The following DOK6 variants were observed in gnomAD, a reference collection of about 807,000 sequenced individuals.
DOK6 encodes downstream of tyrosine kinase 6.
Under a neutral mutation model 44.0 loss-of-function variants are expected in DOK6, and 22 were observed. The observed-to-expected ratio is 0.50, with a 90% CI of 0.36 to 0.71. The LOEUF (loss-of-function observed/expected upper bound fraction) is 0.71. DOK6 is among the 30% of genes least tolerant of loss of function. The probability of loss-of-function intolerance (pLI) is 0.00; values close to 1 mark genes in which losing one functional copy is unlikely to be tolerated. For missense variants in DOK6, 340 were observed against 416.4 expected, an observed-to-expected ratio of 0.82 and a Z score of 1.60; for synonymous variants, 166 against 145.5, an observed-to-expected ratio of 1.14 and a Z score of -1.01.
intron 7 of DOK6, among the ~76,000 whole-genome samples, chr18:69,771,950 A>G (rs1007645863): frequency 1.3e-5 from 2 of 151,676 alleles, no homozygotes; most frequent in African/African-American, 4.8e-5. Context: ...ATTTAAGGAT[A>G]TGAAAGATTG....
chr18:69,835,339 C>T (rs896580844), intron 7 of DOK6, among the ~76,000 whole-genome samples: 1 of 152,062 alleles, frequency 6.6e-6, no homozygotes, highest in African/African-American at 2.4e-5. Context: ...GTGGTGGGCG[C>T]CTGTAGTCCC....
At chr18:69,736,494 G>C (rs910150049) in intron 5 of DOK6, among the ~76,000 whole-genome samples, 1 of 152,152 alleles carries the variant, frequency 6.6e-6, no homozygotes, top group Non-Finnish European at 1.5e-5. Context: ...GACATTGTTA[G>C]ATATAAAGAG....
intron 5 of DOK6, among the ~76,000 whole-genome samples, chr18:69,722,865 G>A (rs1258749782): frequency 6.6e-6 from 1 of 152,020 alleles, no homozygotes; most frequent in East Asian, 1.9e-4. Context: ...TAGTAAGACT[G>A]GTTTAAAATG....
chr18:69,732,320 T>G (rs1978435928), intron 5 of DOK6, among the ~76,000 whole-genome samples: 1 of 152,128 alleles, frequency 6.6e-6, no homozygotes, highest in Admixed American at 6.5e-5. Context: ...CATCTGTCAA[T>G]CTTTTAAAAT....
chr18:69,645,854 ATG>A (rs1262615031), intron 3 of DOK6, among the ~76,000 whole-genome samples: 1 of 152,114 alleles, frequency 6.6e-6, no homozygotes, highest in Non-Finnish European at 1.5e-5. Context: ...TCTTTTTTAA[ATG>A]TGTTTCTATG....
intron 1 of DOK6, among the ~76,000 whole-genome samples, chr18:69,417,968 T>C (rs931930230): frequency 3.3e-5 from 5 of 152,318 alleles, no homozygotes; most frequent in African/African-American, 1.2e-4. Flanking sequence ...CCCTTGTCAG[T>C]TGAACAGCTT....
At chr18:69,677,331 GTA>G (rs984004874) in intron 3 of DOK6, among the ~76,000 whole-genome samples, 1 of 146,898 alleles carries the variant, frequency 6.8e-6, no homozygotes. Flanking sequence ...ATGTTTTGAA[GTA>G]TATATATGTG....
chr18:69,830,391 A>G (rs1981867249), intron 7 of DOK6, among the ~76,000 whole-genome samples: 7 of 152,162 alleles, frequency 4.6e-5, no homozygotes, highest in Admixed American at 4.6e-4. Context: ...TATGGGTAGA[A>G]CCTCATCTGA....
intron 1 of DOK6, among the ~76,000 whole-genome samples, chr18:69,465,499 T>A (rs1979899862): frequency 6.6e-6 from 1 of 151,916 alleles, no homozygotes; most frequent in Non-Finnish European, 1.5e-5. Flanking sequence ...ATGTTCCCCT[T>A]CCTGTGTCCA....
chr18:69,409,057 A>C (rs1278833992), intron 1 of DOK6, among the ~76,000 whole-genome samples: 1 of 152,068 alleles, frequency 6.6e-6, no homozygotes, highest in African/African-American at 2.4e-5. Flanking sequence ...GTGGGAGGTA[A>C]CTGAATCATG....
At chr18:69,597,053 G>T (rs1020581029) in intron 2 of DOK6, among the ~76,000 whole-genome samples, 1 of 151,626 alleles carries the variant, frequency 6.6e-6, no homozygotes, top group Non-Finnish European at 1.5e-5. Context: ...TTCTTTAAAA[G>T]ATATAAAATT....
chr18:69,566,317 T>C (rs925102365), intron 2 of DOK6, among the ~76,000 whole-genome samples: 1 of 152,070 alleles, frequency 6.6e-6, no homozygotes, highest in South Asian at 2.1e-4. Flanking sequence ...TTTGTGTTTT[T>C]AGTAGAGACG....
chr18:69,625,783 G>A (rs1201935061), intron 3 of DOK6, among the ~76,000 whole-genome samples: 1 of 152,230 alleles, frequency 6.6e-6, no homozygotes, highest in Admixed American at 6.5e-5. Flanking sequence ...AAGAGAAGAT[G>A]TTCGTAAACT....
intron 1 of DOK6, among the ~76,000 whole-genome samples, chr18:69,547,293 G>A (rs1413394520): frequency 6.6e-6 from 1 of 151,372 alleles, no homozygotes; most frequent in Non-Finnish European, 1.5e-5. Context: ...TAGAGACTGG[G>A]TTTGACCATG....
chr18:69,796,863 T>C (rs533296261), intron 7 of DOK6, among the ~76,000 whole-genome samples: 1 of 152,310 alleles, frequency 6.6e-6, no homozygotes, highest in Admixed American at 6.5e-5. Context: ...ACATAACTCC[T>C]CCTAAGGCTG....
At chr18:69,571,603 G>A (rs889180253) in intron 2 of DOK6, among the ~76,000 whole-genome samples, 2 of 151,938 alleles carry the variant, frequency 1.3e-5, no homozygotes, top group Non-Finnish European at 2.9e-5. Context: ...CAGAGAAATA[G>A]ACTTCCGGAC....
At chr18:69,677,561 T>A (rs1320384362) in intron 3 of DOK6, among the ~76,000 whole-genome samples, 173 bp from the exon 4 acceptor site, 1 of 152,044 alleles carries the variant, frequency 6.6e-6, no homozygotes, top group Non-Finnish European at 1.5e-5. Context: ...TGTCAAAGAG[T>A]AGGAAATAAT....
chr18:69,528,539 G>T (rs950857244), intron 1 of DOK6, among the ~76,000 whole-genome samples: 4 of 152,162 alleles, frequency 2.6e-5, no homozygotes, highest in Non-Finnish European at 5.9e-5. Context: ...CTGACTCATT[G>T]CTGGTAAGAA....
At chr18:69,627,541 C>T (rs907159024) in intron 3 of DOK6, among the ~76,000 whole-genome samples, 22 of 152,278 alleles carry the variant, frequency 1.4e-4, no homozygotes, top group Non-Finnish European at 2.2e-4. Flanking sequence ...CTCTGCCTCC[C>T]GGGTTCACGC....
Sources: gnomAD v4.1 joint callset for allele counts (sites outside exome capture counted in the v4.1 genomes callset) on GRCh38, gnomAD v4.1.1 for gene constraint, MANE v1.5 for transcripts, NCBI Gene and HGNC (gene_info 2026-07-23, HGNC 2026-07-21) for gene names.